GUCY1A1: variants seen among roughly 807,000 people sequenced by gnomAD.
The protein encoded by GUCY1A1 is guanylate cyclase soluble subunit alpha-1.
In GUCY1A1, 48 loss-of-function variants were observed where a neutral mutation model predicts 64.5. The ratio of observed to expected loss-of-function variants is 0.74; its 90% CI spans 0.59 to 0.95. GUCY1A1 has a LOEUF of 0.95. GUCY1A1 is among the 40% of genes least tolerant of loss of function. The pLI, the probability that GUCY1A1 is intolerant of heterozygous loss-of-function variation, is 0.00. For missense variants in GUCY1A1, 804 were observed against 825.3 expected (o/e 0.97, Z 0.32); for synonymous variants, 308 against 303.4 (o/e 1.02, Z -0.16).
At chr4:155,702,879 G>A (rs1000566045) in intron 3 of GUCY1A1, among the ~76,000 whole-genome samples, 15 of 151,658 alleles carry the variant, frequency 9.9e-5, no homozygotes, top group African/African-American at 3.6e-4. Context: ...AGTTTTTAAG[G>A]AAAAAGGAAT....
At chr4:155,709,267 A>G (rs1200587885) in intron 5 of GUCY1A1, among the ~76,000 whole-genome samples, 2 of 152,130 alleles carry the variant, frequency 1.3e-5, no homozygotes, top group Non-Finnish European at 2.9e-5. Flanking sequence ...GCCATCTCAA[A>G]GAGTCTTTCT....
intron 8 of GUCY1A1, 86 bp downstream of exon 8, chr4:155,717,388 G>T: frequency 3.0e-6 from 3 of 984,974 alleles, no homozygotes; most frequent in East Asian, 3.0e-5. Context: ...ATCAGTTGGG[G>T]GTTAGTTGAG....
intron 2 of GUCY1A1, among the ~76,000 whole-genome samples, chr4:155,671,352 C>G (rs1734121179): frequency 6.6e-6 from 1 of 152,206 alleles, no homozygotes; most frequent in South Asian, 2.1e-4. Context: ...TTAATGTTTG[C>G]TTTACCTTCC....
intron 3 of GUCY1A1, among the ~76,000 whole-genome samples, chr4:155,698,674 T>TCAA (rs779059942): frequency 6.6e-6 from 1 of 152,154 alleles, no homozygotes; most frequent in African/African-American, 2.4e-5. Flanking sequence ...AGACTCTGTC[T>TCAA]CAACAACAAC....
intron 2 of GUCY1A1, among the ~76,000 whole-genome samples, chr4:155,668,630 G>A (rs1412127767): frequency 4.6e-5 from 7 of 151,976 alleles, no homozygotes; most frequent in Non-Finnish European, 7.4e-5. Flanking sequence ...TTTTATCTTG[G>A]TTCAGAGTGT....
rs368612481 is a variant in GUCY1A1, at chr4:155,711,271, A to G, written c.1086+20A>G. The G allele has an allele frequency of 1.2e-4, 146 of 1,223,628 alleles. No individual in the cohort carries two copies. The African/African-American group carries it at 2.0e-3, about 17-fold the overall frequency. 75.8% of individuals were successfully genotyped at this position (1,223,628 alleles called of 1,614,324 possible). A position where few individuals can be genotyped will look rare whatever the true frequency, so the allele number is the denominator to read the frequency against. ...TCAAGGGTAAGGAAAACATAATACT[A>G]TCTTGAATATGAAAGCTATTTCATA... On this transcript the variant is annotated intron_variant, in intron 6 of 9. Transcript: ENST00000506455.
intron 4 of GUCY1A1, among the ~76,000 whole-genome samples, chr4:155,704,804 A>T (rs79750771): frequency 0.014 from 2,180 of 152,048 alleles, 59 homozygotes; most frequent in African/African-American, 0.05. Flanking sequence ...GCTGCCCAGA[A>T]CTCCTGGGCT....
chr4:155,674,634 T>G (rs1364756263), intron 2 of GUCY1A1, among the ~76,000 whole-genome samples: 1 of 151,418 alleles, frequency 6.6e-6, no homozygotes, highest in Admixed American at 6.6e-5. Context: ...AAGGTCAGGA[T>G]CTTCAGTTTC....
At chr4:155,700,164 T>C (rs1285537972) in intron 3 of GUCY1A1, among the ~76,000 whole-genome samples, 1 of 152,154 alleles carries the variant, frequency 6.6e-6, no homozygotes, top group Non-Finnish European at 1.5e-5. Context: ...GCATACTGTC[T>C]TGAAGGAGCT....
At chr4:155,710,503 C>A in intron 5 of GUCY1A1, 39 bp from the exon 6 acceptor site, 1 of 1,152,022 alleles carries the variant, frequency 8.7e-7, no homozygotes, top group Non-Finnish European at 1.3e-6. Context: ...ACCAAGGTGG[C>A]ATATTTGATA....
chr4:155,687,558 T>C (rs1003965513), intron 2 of GUCY1A1, among the ~76,000 whole-genome samples: 1 of 152,218 alleles, frequency 6.6e-6, no homozygotes, highest in Non-Finnish European at 1.5e-5. Context: ...TTTGTGATAG[T>C]CAACATGTAT....
chr4:155,722,898 T>G (rs1734152873), intron 9 of GUCY1A1, among the ~76,000 whole-genome samples: 1 of 152,102 alleles, frequency 6.6e-6, no homozygotes, highest in South Asian at 2.1e-4. Context: ...CTCCACCTGA[T>G]TGAGCTTTGA....
chr4:155,727,262 T>C (rs1248355951), intron 9 of GUCY1A1, among the ~76,000 whole-genome samples: 1 of 151,822 alleles, frequency 6.6e-6, no homozygotes, highest in Non-Finnish European at 1.5e-5. Flanking sequence ...TTCTAAATGG[T>C]TTTTCTTATA....
At position 155,713,588 on chromosome 4, in the gene GUCY1A1, G is replaced by T; in HGVS notation, c.1572+5G>T. 2.5e-6 allele frequency: 4 copies of T among 1,606,960 alleles called. No individual in the cohort carries two copies. The highest frequency in any genetic ancestry group is 1.1e-5 in the South Asian group (1 of 90,928). ...GGAGAGCTGGATGTCTACAAGGTAG[G>T]AGTGGACCAGGGAAATAATTGTTTT... On this transcript the variant is annotated splice_donor_5th_base_variant and intron_variant, in intron 7 of 9. Transcript: ENST00000506455.
rs775058798 is a variant in GUCY1A1, at chr4:155,710,646, G to A, written c.481G>A (p.Asp161Asn). ...ILGVVGGTLKDFLNSFSTLLK... is the reference protein window; with the variant it reads ...ILGVVGGTLKNFLNSFSTLLK... Reference sequence around the variant, plus strand: ...TGGGGTGGTTGGAGGCACCCTTAAAGATTTTTTAAACAGCTTCAGTACCCT... The same window carrying A: ...TGGGGTGGTTGGAGGCACCCTTAAAAATTTTTTAAACAGCTTCAGTACCCT... The change falls in exon 6 of 10, where the codon GAT becomes AAT. Residue 161 changes from aspartate to asparagine, a missense_variant. By Grantham distance (23) the Asp-to-Asn change is conservative. Coordinates refer to ENST00000506455, the MANE Select transcript of GUCY1A1 (RefSeq NM_001130682.3). 2.5e-6 allele frequency: 4 copies of A among 1,613,888 alleles called. No individual in the cohort carries two copies. In the South Asian group the frequency reaches 4.4e-5, roughly 18 times the overall value.
intron 8 of GUCY1A1, among the ~76,000 whole-genome samples, chr4:155,718,000 T>C (rs916219120): frequency 9.2e-5 from 14 of 152,178 alleles, no homozygotes; most frequent in Non-Finnish European, 2.1e-4. Context: ...GACTGTTAAT[T>C]CACCAATATT....
intron 2 of GUCY1A1, among the ~76,000 whole-genome samples, chr4:155,679,328 G>T (rs1735389194): frequency 6.6e-6 from 1 of 152,108 alleles, no homozygotes; most frequent in African/African-American, 2.4e-5. Context: ...TGCTATAAAA[G>T]AATACCCGAA....
At chr4:155,707,732 C>T (rs1731971979) in intron 4 of GUCY1A1, among the ~76,000 whole-genome samples, 1 of 151,982 alleles carries the variant, frequency 6.6e-6, no homozygotes, top group Admixed American at 6.6e-5. Flanking sequence ...GGTTTTCCAA[C>T]ATTGTTCTGG....
At chr4:155,706,264 A>G (rs11945064) in intron 4 of GUCY1A1, among the ~76,000 whole-genome samples, 20,487 of 152,264 alleles carry the variant, frequency 0.13, 1,497 homozygotes, top group South Asian at 0.21. Context: ...ATTTTTGCTC[A>G]TAAGCCTGCC....
Sources: gnomAD v4.1 joint callset for allele counts (sites outside exome capture counted in the v4.1 genomes callset) on GRCh38, gnomAD v4.1.1 for gene constraint, MANE v1.5 for transcripts, NCBI Gene and HGNC (gene_info 2026-07-23, HGNC 2026-07-21) for gene names.